VWF: variants seen among roughly 807,000 people sequenced by gnomAD.
The protein encoded by VWF is von Willebrand factor.
VWF carries 176 observed loss-of-function variants against 308.6 expected under a neutral mutation model. The observed-to-expected ratio is 0.57, with a 90% CI of 0.50 to 0.65. The LOEUF is 0.65. Ranked by LOEUF, VWF falls within the 30% of genes least tolerant of loss-of-function variation. VWF has a pLI of 0.00. For synonymous variants in VWF, 1,385 were observed against 1,443.4 expected, an observed-to-expected ratio of 0.96 and a Z score of 0.92; for missense variants, 3,146 against 3,648.2, an observed-to-expected ratio of 0.86 and a Z score of 3.55.
intron 6 of VWF, among the ~76,000 whole-genome samples, chr12:6,076,622 A>C (rs138951192): frequency 1.9e-4 from 29 of 152,380 alleles, no homozygotes; most frequent in African/African-American, 6.5e-4. Flanking sequence ...TCAGCTAAAA[A>C]GAAAAAAGTG....
Position 6,046,732 on chromosome 12 carries a change from A to C in VWF, c.2272T>G (p.Ser758Ala). The change falls in exon 17 of 52, where the codon TCT (serine) becomes GCT (alanine). Residue 758 changes from serine to alanine, a missense_variant. Ser to Ala is a moderately conservative substitution (Grantham distance 99). Transcript: ENST00000261405. This position sits in a 1 kb window ranked among gnomAD's most constrained non-coding sequence, Gnocchi z 5.0. The part of the protein sequence containing the change: ...LPDAVLSSPL[S>A]HRSKRSLSCR... ...GGGGGACAGTACTCACTGCGATGAG[A>C]CAGGGGACTGCTGAGGACAGCGTCA... The C allele has an allele frequency of 6.2e-7, 1 of 1,614,126 alleles. No homozygotes were observed. Among genetic ancestry groups the C allele is most frequent in the South Asian group, 1.1e-5 (1 of 91,088 alleles).
chr12:6,022,146 C>G lies in VWF; in HGVS notation c.3539-111G>C, dbSNP rs142074458. On this transcript the variant is annotated intron_variant, in intron 26 of 51. Coordinates refer to ENST00000261405, the MANE Select transcript of VWF (RefSeq NM_000552.5). ...CTCCTCCTCCTGCCCTAGAAGCCAA[C>G]TCCTCCTGCCTGCACTCCCAGGGGT... 6.9e-6 allele frequency: 10 copies of G among 1,459,562 alleles called. No homozygotes were observed. In the African/African-American group the frequency reaches 1.3e-4, roughly 18 times the overall value. 90.4% of individuals were successfully genotyped at this position (1,459,562 alleles called of 1,614,324 possible). A position where few individuals can be genotyped will look rare whatever the true frequency, so the allele number is the denominator to read the frequency against.
At chr12:5,997,579 C>A (rs1464585860) in intron 34 of VWF, among the ~76,000 whole-genome samples, 1 of 152,170 alleles carries the variant, frequency 6.6e-6, no homozygotes, top group Admixed American at 6.5e-5. Flanking sequence ...TAATCGATAC[C>A]TTTTAGTATT....
At chr12:5,953,967 G>T in intron 47 of VWF, 1 of 240,048 alleles carries the variant, frequency 4.2e-6, no homozygotes, top group South Asian at 5.9e-5. Flanking sequence ...TCCCTATTTT[G>T]GTAAGTGGCG....
chr12:5,984,369 T>C (rs918526406), intron 40 of VWF, among the ~76,000 whole-genome samples: 1 of 152,266 alleles, frequency 6.6e-6, no homozygotes, highest in Non-Finnish European at 1.5e-5. Flanking sequence ...TTCTGATCAA[T>C]TTCATGAGTA....
At chr12:6,026,925 A>G (rs766381219) in intron 22 of VWF, among the ~76,000 whole-genome samples, 1 of 152,228 alleles carries the variant, frequency 6.6e-6, no homozygotes, top group African/African-American at 2.4e-5. Context: ...ATAAAACAAA[A>G]AAACTACAGA....
At chr12:6,102,000 A>G (rs1945168359) in intron 5 of VWF, among the ~76,000 whole-genome samples, 1 of 151,786 alleles carries the variant, frequency 6.6e-6, no homozygotes, top group Non-Finnish European at 1.5e-5. Flanking sequence ...TTTATGGGGG[A>G]GGGCGGAATT....
intron 47 of VWF, among the ~76,000 whole-genome samples, chr12:5,966,590 C>T (rs1943407077): frequency 6.6e-6 from 1 of 151,718 alleles, no homozygotes; most frequent in Non-Finnish European, 1.5e-5. Flanking sequence ...CCTCTTGGCC[C>T]CCACCCCCTC....
At chr12:5,980,135 GAAGAAAGGAGT>G (rs1943585214) in intron 42 of VWF, among the ~76,000 whole-genome samples, 1 of 105,744 alleles carries the variant, frequency 9.5e-6, no homozygotes, top group African/African-American at 3.4e-5. Flanking sequence ...AGGAAGGAAG[GAAGAAAGGAGT>G]GAGGGAGGGA....
In VWF at chr12:6,056,885, G is replaced by A. The variant is rs1268818862; in HGVS notation, c.1917C>T (p.Arg639=). ...YAAACAGRGV[R]VAWREPGRCE... Reference sequence around the variant, plus strand: ...AGCGGCCTGGCTCGCGCCACGCGACGCGCACGCCTCTCCCCGCGCAGGCCG... The same window carrying A: ...AGCGGCCTGGCTCGCGCCACGCGACACGCACGCCTCTCCCCGCGCAGGCCG... Residue 639 remains arginine, a synonymous_variant, in exon 15 of 52, where the codon CGC becomes CGT. Transcript: ENST00000261405. 7.3e-6 allele frequency: 11 copies of A among 1,505,568 alleles called. No individual in the cohort carries two copies. Among genetic ancestry groups the A allele is most frequent in the South Asian group, 2.5e-5 (2 of 79,832 alleles). 93.3% of individuals were successfully genotyped at this position (1,505,568 alleles called of 1,614,324 possible). A position where few individuals can be genotyped will look rare whatever the true frequency, so the allele number is the denominator to read the frequency against.
intron 34 of VWF, 93 bp from the exon 35 acceptor site, chr12:5,996,315 G>A: frequency 8.8e-7 from 1 of 1,139,700 alleles, no homozygotes; most frequent in Non-Finnish European, 1.3e-6. Flanking sequence ...GTTGCACACA[G>A]ATAAATACAG....
chr12:6,033,051 C>T (rs2136428826), intron 20 of VWF, among the ~76,000 whole-genome samples: 1 of 152,338 alleles, frequency 6.6e-6, no homozygotes, highest in South Asian at 2.1e-4. Flanking sequence ...TACACACATG[C>T]ACACATACAT....
rs1225435169 is a variant in VWF at position 6,056,955 on chromosome 12, G to A, written c.1847C>T (p.Ser616Leu). Residue 616 changes from serine to leucine, a missense_variant, in exon 15 of 52, where the codon TCG becomes TTG. By Grantham distance (145) the Ser-to-Leu change is moderately radical. Around this residue, in one of 3 missense-constraint regions of VWF, gnomAD observed 1,304 missense variants for 1,353.0 expected, o/e 0.96. Transcript: ENST00000261405. ...GCCGCACAGGCACTCGCGGCCGTCC[G>A]AGCAGGAGCACACGTCGTAGCGGCA... is the stretch of plus-strand genomic sequence containing the variant. ...RNCRYDVCSCSDGRECLCGAL... is the reference protein window; with the variant it reads ...RNCRYDVCSCLDGRECLCGAL... The A allele has an allele frequency of 3.9e-6, 6 of 1,538,972 alleles. No homozygotes were observed. The Admixed American group carries it at 5.9e-5, about 15-fold the overall frequency.
chr12:5,964,020 A>G (rs1433337688), intron 47 of VWF, among the ~76,000 whole-genome samples: 1 of 151,942 alleles, frequency 6.6e-6, no homozygotes, highest in African/African-American at 2.4e-5. Context: ...ATTCTGGTTA[A>G]CACGGTGAAA....
chr12:6,012,080 A>T lies in VWF; in HGVS notation c.5664+7T>A, dbSNP rs745935579. The stretch of plus-strand genomic sequence containing the variant: ...CTTTCTTTCAAAGTCAACAGAAAGG[A>T]ACTTACCCTCTTCTCATTCCCATCC... On this transcript the variant is annotated splice_region_variant and intron_variant, in intron 33 of 51. Transcript: ENST00000261405. 8 of 1,613,954 alleles carry T rather than the reference A, an allele frequency of 5.0e-6. No individual in the cohort carries two copies. The highest frequency in any genetic ancestry group is 2.7e-5 in the African/African-American group (2 of 74,904).
rs1944585686 is a variant in VWF at position 6,056,915 on chromosome 12, A to G, written c.1887T>C (p.Tyr629=). 5.2e-6 allele frequency: 8 copies of G among 1,530,026 alleles called. No homozygotes were observed. The East Asian group carries it at 1.7e-4, about 33-fold the overall frequency. The allele number at this position is 1,530,026 out of a possible 1,614,324, so 94.8% of individuals were successfully genotyped here. Residue 629 remains tyrosine, a synonymous_variant, in exon 15 of 52, where the codon TAT becomes TAC. Coordinates refer to ENST00000261405, the MANE Select transcript of VWF (RefSeq NM_000552.5). Reference sequence around the variant, plus strand: ...CGCCTCTCCCCGCGCAGGCCGCGGCATAGCTGGCCAGGGCGCCGCACAGGC... The same window carrying G: ...CGCCTCTCCCCGCGCAGGCCGCGGCGTAGCTGGCCAGGGCGCCGCACAGGC... ...RECLCGALAS[Y]AAACAGRGVR... is the part of the protein sequence containing the mutation.
At chr12:6,113,422 C>A (rs960653176) in intron 3 of VWF, among the ~76,000 whole-genome samples, 2 of 151,800 alleles carry the variant, frequency 1.3e-5, no homozygotes, top group African/African-American at 2.4e-5. Flanking sequence ...CTCAGCCTCC[C>A]GAGTAGCTGG....
rs527483960 is a variant in VWF, at chr12:6,019,393, C to T, written c.4025G>A (p.Arg1342His). 11 of 1,613,940 alleles carry T rather than the reference C, an allele frequency of 6.8e-6. No individual in the cohort carries two copies. The highest frequency in any genetic ancestry group is 1.7e-4 in the Middle Eastern group (1 of 6,056). The change falls in exon 28 of 52, where the codon CGC becomes CAC. Residue 1342 changes from arginine to histidine, a missense_variant. Around this residue, in one of 3 missense-constraint regions of VWF, gnomAD observed 853 missense variants for 1,177.8 expected, o/e 0.72. Transcript: ENST00000261405. The surrounding 1 kb of genome is among the most constrained non-coding windows in gnomAD (Gnocchi z 5.8). ...KDRKRPSELR[R>H]IASQVKYAGS... is the part of the protein sequence containing the mutation. ...CGCATACTTCACCTGGCTGGCAATG[C>T]GCCGCAGCTCTGACGGTCGCTTCCG...
intron 5 of VWF, among the ~76,000 whole-genome samples, chr12:6,105,488 G>A (rs887495628): frequency 6.6e-6 from 1 of 152,120 alleles, no homozygotes; most frequent in African/African-American, 2.4e-5. Flanking sequence ...TCGGCCTCCT[G>A]AAGTGCTGGG....
Sources: gnomAD v4.1 joint callset for allele counts (sites outside exome capture counted in the v4.1 genomes callset) on GRCh38, gnomAD v4.1.1 for gene constraint, gnomAD v4.1.1 regional missense constraint, Gnocchi (gnomAD v3.1) non-coding constraint, MANE v1.5 for transcripts, NCBI Gene and HGNC (gene_info 2026-07-23, HGNC 2026-07-21) for gene names.